FABP4: variants seen among roughly 807,000 people sequenced by gnomAD.
The protein encoded by FABP4 is fatty acid binding protein 4.
FABP4 carries 17 observed loss-of-function variants against 14.6 expected under a neutral mutation model. The ratio of observed to expected loss-of-function variants is 1.16; its 90% CI spans 0.80 to 1.74. The LOEUF is 1.74. FABP4 is among the 40% of genes most tolerant of loss of function. FABP4 has a pLI of 0.00. For missense variants in FABP4, 149 were observed against 160.3 expected (o/e 0.93, Z 0.38); for synonymous variants, 54 against 54.6 (o/e 0.99, Z 0.05).
chr8:81,482,129 T>C (rs1206895675), intron 1 of FABP4, among the ~76,000 whole-genome samples: 1 of 151,750 alleles, frequency 6.6e-6, no homozygotes, highest in Admixed American at 6.6e-5. Context: ...TTCCCTATCA[T>C]CTAAAAACAA....
chr8:81,480,627 A>G, intron 1 of FABP4, 29 bp from the exon 2 acceptor site: 1 of 1,589,226 alleles, frequency 6.3e-7, no homozygotes. Context: ...AAGATGTCAG[A>G]TTTACATTTT....
intron 1 of FABP4, among the ~76,000 whole-genome samples, chr8:81,481,160 A>G (rs1585812006): frequency 1.3e-5 from 2 of 152,316 alleles, no homozygotes; most frequent in East Asian, 1.9e-4. Context: ...TGCCAAGTCT[A>G]CTTTTCTGTG....
chr8:81,478,720 C>T lies in FABP4; in HGVS notation c.*145G>A, dbSNP rs568331713. The T allele has an allele frequency of 4.6e-4, 304 of 664,622 alleles. No individual in the cohort carries two copies. Among genetic ancestry groups the T allele is most frequent in the African/African-American group, 4.1e-3 (228 of 55,258 alleles). The allele number at this position is 664,622 out of a possible 1,614,324, so 41.2% of individuals were successfully genotyped here. ...ATCTAAAAAAAGTTTATTTAACCAA[C>T]GTAACCATATTGAATAAAATCAGCT... is the stretch of plus-strand genomic sequence containing the variant. On this transcript the variant is annotated 3_prime_UTR_variant, in exon 4 of 4. Coordinates refer to ENST00000256104, the MANE Select transcript of FABP4 (RefSeq NM_001442.3).
chr8:81,483,143 A>T lies in FABP4; in HGVS notation c.25T>A (p.Trp9Arg). The part of the protein sequence containing the change: MCDAFVGT[W>R]KLVSSENFDD... ...AAGTTTTCACTGGAGACAAGTTTCC[A>T]GGTACCTACAAAAGCATCACACATT... The change falls in exon 1 of 4, where the codon TGG becomes AGG. Residue 9 changes from tryptophan to arginine, a missense_variant. Transcript: ENST00000256104. The T allele has an allele frequency of 6.2e-7, 1 of 1,611,020 alleles. No homozygotes were observed. The highest frequency in any genetic ancestry group is 8.5e-7 in the Non-Finnish European group (1 of 1,178,626).
At position 81,479,413 on chromosome 8, in the gene FABP4, C is replaced by G. The variant is rs1019438909; in HGVS notation, c.348+1G>C. ...GAATTAAGTAGCTAGAAGATACTCA[C>G]CACCACCAGTTTATCATCCTCTCGT... On this transcript the variant is annotated splice_donor_variant, in intron 3 of 3. Coordinates refer to ENST00000256104, the MANE Select transcript of FABP4 (RefSeq NM_001442.3). LOFTEE classifies it high-confidence loss of function. 1.9e-6 allele frequency: 3 copies of G among 1,609,868 alleles called. No individual in the cohort carries two copies. Among genetic ancestry groups the G allele is most frequent in the South Asian group, 2.2e-5 (2 of 90,952 alleles).
intron 3 of FABP4, 106 bp from the exon 4 acceptor site, chr8:81,479,021 C>A (rs1217775402): frequency 5.4e-6 from 5 of 927,702 alleles, no homozygotes; most frequent in Non-Finnish European, 6.9e-6. Context: ...CAAAGATATT[C>A]ATTTCTGGAC....
intron 1 of FABP4, among the ~76,000 whole-genome samples, chr8:81,481,171 C>G (rs1430192799): frequency 6.6e-6 from 1 of 152,122 alleles, no homozygotes; most frequent in Non-Finnish European, 1.5e-5. Flanking sequence ...CTTTTCTGTG[C>G]TTCTTTCTCA....
intron 1 of FABP4, among the ~76,000 whole-genome samples, chr8:81,481,887 G>A (rs1050154030): frequency 9.2e-5 from 14 of 152,092 alleles, no homozygotes; most frequent in Non-Finnish European, 1.5e-4. Flanking sequence ...CTCAATTACA[G>A]CAGCTAATTT....
rs1205530736 is a variant in FABP4 at position 81,478,855 on chromosome 8, G to T, written c.*10C>A. The T allele has an allele frequency of 1.2e-6, 2 of 1,611,852 alleles. No homozygotes were observed. The highest frequency in any genetic ancestry group is 2.7e-5 in the African/African-American group (2 of 74,940). On this transcript the variant is annotated 3_prime_UTR_variant, in exon 4 of 4. Transcript: ENST00000256104. The stretch of plus-strand genomic sequence containing the variant: ...AATGCGAACTTCAGTCCAGGTCAAC[G>T]TCCCTTGGCTTATGCTCTCTCATAA...
chr8:81,480,345 C>T (rs1216333644), intron 2 of FABP4, 81 bp downstream of exon 2: 1 of 1,348,076 alleles, frequency 7.4e-7, no homozygotes, highest in African/African-American at 1.5e-5. Context: ...GGTGTTCCTC[C>T]TTTTATCATA....
intron 2 of FABP4, 100 bp from the exon 3 acceptor site, chr8:81,479,615 T>A: frequency 2.7e-6 from 2 of 740,206 alleles, no homozygotes; most frequent in Non-Finnish European, 4.5e-6. Context: ...AGGTCATTAG[T>A]AATTCTAAAT....
chr8:81,483,050 A>T, intron 1 of FABP4, 45 bp downstream of exon 1: 4 of 1,506,350 alleles, frequency 2.7e-6, no homozygotes, highest in Non-Finnish European at 3.6e-6. Context: ...TTTTTCCCAA[A>T]AGAAAATATT....
chr8:81,480,689 G>A, intron 1 of FABP4, 91 bp from the exon 2 acceptor site: 1 of 1,152,604 alleles, frequency 8.7e-7, no homozygotes, highest in African/African-American at 1.6e-5. Context: ...ACAGGTGCAT[G>A]TGCAGGAGGA....
intron 1 of FABP4, among the ~76,000 whole-genome samples, chr8:81,481,310 G>A (rs1808076475): frequency 6.6e-6 from 1 of 152,148 alleles, no homozygotes; most frequent in Non-Finnish European, 1.5e-5. Context: ...AAAGGGACTA[G>A]TCATCAAATT....
At position 81,479,822 on chromosome 8, in the gene FABP4, A is replaced by G. The variant is rs1808043704; in HGVS notation, c.247-307T>C. 1.9e-5 allele frequency: 4 copies of G among 207,724 alleles called. No homozygotes were observed. In the South Asian group the frequency reaches 4.8e-4, roughly 25 times the overall value. 12.9% of individuals were successfully genotyped at this position (207,724 alleles called of 1,614,324 possible). ...CTATTTCTTTCTTCCATTTTTATAA[A>G]CATTCTCTTACATTGTTATAGTATT... is the stretch of plus-strand genomic sequence containing the variant. On this transcript the variant is annotated intron_variant, in intron 2 of 3. Transcript: ENST00000256104.
At position 81,478,747 on chromosome 8, in the gene FABP4, G is replaced by T; in HGVS notation, c.*118C>A. ...TAACCATATTGAATAAAATCAGCTTGGGAGAAAATTAGTTGCTTGCTAAAT... is the reference window on the plus strand; with the variant it reads ...TAACCATATTGAATAAAATCAGCTTTGGAGAAAATTAGTTGCTTGCTAAAT... On this transcript the variant is annotated 3_prime_UTR_variant, in exon 4 of 4. Coordinates refer to ENST00000256104, the MANE Select transcript of FABP4 (RefSeq NM_001442.3). 1 of 893,618 alleles carries T rather than the reference G, an allele frequency of 1.1e-6. No homozygotes were observed. Among genetic ancestry groups the T allele is most frequent in the Non-Finnish European group, 1.7e-6 (1 of 585,912 alleles). The allele number at this position is 893,618 out of a possible 1,614,324, so 55.4% of individuals were successfully genotyped here. A position where few individuals can be genotyped will look rare whatever the true frequency, so the allele number is the denominator to read the frequency against.
At chr8:81,481,790 T>G (rs1408691703) in intron 1 of FABP4, among the ~76,000 whole-genome samples, 1 of 152,182 alleles carries the variant, frequency 6.6e-6, no homozygotes, top group African/African-American at 2.4e-5. Context: ...AGTGTGATTC[T>G]AGAATGACTG....
At position 81,480,420 on chromosome 8, in the gene FABP4, T is replaced by C. The variant is rs747950362; in HGVS notation, c.246+6A>G. 10 of 1,612,946 alleles carry C rather than the reference T, an allele frequency of 6.2e-6. No individual in the cohort carries two copies. The highest frequency in any genetic ancestry group is 8.5e-6 in the Non-Finnish European group (10 of 1,179,268). On this transcript the variant is annotated splice_donor_region_variant and intron_variant, in intron 2 of 3. Transcript: ENST00000256104. ...ATGTACTCTGTGCCACTTCCTTATT[T>C]CTCACCTTGACTTTCCTGTCATCTG...
intron 2 of FABP4, among the ~76,000 whole-genome samples, chr8:81,480,174 A>T (rs1378422450): frequency 6.6e-6 from 1 of 152,164 alleles, no homozygotes; most frequent in Non-Finnish European, 1.5e-5. Context: ...GTGCCATGTC[A>T]CCGCAGCCTG....
Sources: allele counts gnomAD v4.1 joint callset (sites outside exome capture counted in the v4.1 genomes callset), GRCh38; gene constraint gnomAD v4.1.1; transcripts MANE v1.5; gene names NCBI Gene and HGNC (gene_info 2026-07-23, HGNC 2026-07-21).